INSC: variants seen among roughly 807,000 people sequenced by gnomAD.
INSC encodes the protein INSC spindle orientation adaptor protein.
INSC carries 67 observed loss-of-function variants against 58.6 expected under a neutral mutation model. The ratio of observed to expected loss-of-function variants is 1.14; its 90% CI spans 0.94 to 1.40. The LOEUF (loss-of-function observed/expected upper bound fraction) is 1.40. Among genes scored for constraint, INSC ranks in the 40% most tolerant of loss-of-function variants. The pLI is 0.00. For missense variants in INSC, 714 were observed against 692.0 expected, an observed-to-expected ratio of 1.03 and a Z score of -0.36; for synonymous variants, 262 against 276.1, an observed-to-expected ratio of 0.95 and a Z score of 0.51.
At chr11:15,236,445 G>T (rs1031486619) in intron 10 of INSC, among the ~76,000 whole-genome samples, 3 of 152,224 alleles carry the variant, frequency 2.0e-5, no homozygotes, top group Non-Finnish European at 4.4e-5. Flanking sequence ...ACAGTAGAAA[G>T]CTGAGGAAGG....
chr11:15,170,618 G>A (rs767236157), intron 2 of INSC, among the ~76,000 whole-genome samples: 7 of 152,080 alleles, frequency 4.6e-5, no homozygotes, highest in East Asian at 1.9e-4. Flanking sequence ...TTAAAATAGC[G>A]ACTGCCAGGT....
chr11:15,192,269 G>A (rs1374159867), intron 6 of INSC, among the ~76,000 whole-genome samples: 1 of 152,176 alleles, frequency 6.6e-6, no homozygotes, highest in Non-Finnish European at 1.5e-5. Context: ...CTTGTCTGAG[G>A]AGAAAGCAGA....
At chr11:15,130,948 A>G (rs571513166) in intron 1 of INSC, among the ~76,000 whole-genome samples, 2 of 150,966 alleles carry the variant, frequency 1.3e-5, no homozygotes, top group South Asian at 2.1e-4. Flanking sequence ...AGTTTATTTT[A>G]TGTTTTCAAA....
Position 15,175,973 on chromosome 11 carries a change from C to T in INSC, c.289C>T (p.Gln97Ter). The T allele has an allele frequency of 6.2e-7, 1 of 1,613,440 alleles. No individual in the cohort carries two copies. Among genetic ancestry groups the T allele is most frequent in the Non-Finnish European group, 8.5e-7 (1 of 1,179,718 alleles). The stretch of plus-strand genomic sequence containing the variant: ...GCGCAGGATCGGGCAGAAGCTGGCC[C>T]AGGACCGCTGGGCACGGGTGCACAG... ...ELRRIGQKLA[Q>*]DRWARVHSMS... The change falls in exon 3 of 13, where the codon CAG (glutamine) becomes TAG (stop). Residue 97 changes from glutamine (Q) to a stop codon, truncating the protein, a stop_gained. Transcript: ENST00000379556. LOFTEE classifies it high-confidence loss of function.
chr11:15,167,566 T>A lies in INSC; in HGVS notation c.57-8175T>A, dbSNP rs190594858. Among the ~76,000 whole-genome samples the A allele has an allele frequency of 7.2e-4, 110 of 152,066 alleles. No individual in the cohort carries two copies. The East Asian group carries it at 0.018, about 25-fold the overall frequency. Reference sequence around the variant, plus strand: ...GCCTTGACCTCCTGGGCTCAAGTGATCCTCCTGCCTCAGCCTCTTGAGTAT... The same window carrying A: ...GCCTTGACCTCCTGGGCTCAAGTGAACCTCCTGCCTCAGCCTCTTGAGTAT... On this transcript the variant is annotated intron_variant, in intron 2 of 12. Coordinates refer to ENST00000379556, the MANE Select transcript of INSC (RefSeq NM_001042536.3).
chr11:15,194,519 G>A (rs1332927973), intron 6 of INSC, among the ~76,000 whole-genome samples: 3 of 152,190 alleles, frequency 2.0e-5, no homozygotes, highest in African/African-American at 7.2e-5. Context: ...AGCCCTTAAA[G>A]CAATCTTAAT....
chr11:15,153,175 A>G (rs1328702291), intron 2 of INSC, among the ~76,000 whole-genome samples: 1 of 152,176 alleles, frequency 6.6e-6, no homozygotes, highest in Non-Finnish European at 1.5e-5. Flanking sequence ...GTTATTATTC[A>G]GTAACTTCTC....
At chr11:15,255,471 A>C in the INSC span, among the ~76,000 whole-genome samples, 1 of 152,210 alleles carries the variant, frequency 6.6e-6, no homozygotes, top group Non-Finnish European at 1.5e-5. Context: ...TTTCAGAGTA[A>C]AGCATCAAAG....
chr11:15,211,906 G>C (rs1405836358), intron 7 of INSC, among the ~76,000 whole-genome samples: 1 of 151,262 alleles, frequency 6.6e-6, no homozygotes, highest in African/African-American at 2.4e-5. Flanking sequence ...TGCCAATAGA[G>C]CACGGGGCCC....
chr11:15,115,392 C>T (rs927216460), intron 1 of INSC, among the ~76,000 whole-genome samples: 2 of 152,148 alleles, frequency 1.3e-5, no homozygotes, highest in Non-Finnish European at 2.9e-5. Flanking sequence ...AGTGGATGTG[C>T]CAGTGTGAAC....
At chr11:15,170,071 C>A (rs1396293289) in intron 2 of INSC, among the ~76,000 whole-genome samples, 1 of 152,194 alleles carries the variant, frequency 6.6e-6, no homozygotes, top group African/African-American at 2.4e-5. Context: ...TACTTTAAAT[C>A]ATCTCTAGAT....
intron 11 of INSC, 64 bp from the exon 12 acceptor site, chr11:15,240,383 A>T (rs1403643619): frequency 1.4e-6 from 2 of 1,418,538 alleles, no homozygotes; most frequent in African/African-American, 1.4e-5. Context: ...GAGGCCCAGA[A>T]CCTCTGGGTC....
intron 1 of INSC, among the ~76,000 whole-genome samples, chr11:15,145,172 C>A (rs571625043): frequency 1.3e-5 from 2 of 152,312 alleles, no homozygotes; most frequent in South Asian, 4.1e-4. Flanking sequence ...ATATACCAAG[C>A]ACAATATCTG....
intron 2 of INSC, among the ~76,000 whole-genome samples, chr11:15,156,931 C>A: frequency 6.6e-6 from 1 of 152,168 alleles, no homozygotes; most frequent in East Asian, 1.9e-4. Context: ...CTGGATAATT[C>A]CAGCTTAGAA....
intron 1 of INSC, among the ~76,000 whole-genome samples, chr11:15,140,442 G>A (rs1554904185): frequency 6.6e-6 from 1 of 152,168 alleles, no homozygotes. Context: ...TGGTGGGCCT[G>A]TTCACTCCAG....
chr11:15,232,224 G>A (rs1851951279), intron 9 of INSC, among the ~76,000 whole-genome samples: 1 of 152,214 alleles, frequency 6.6e-6, no homozygotes, highest in African/African-American at 2.4e-5. Context: ...TCTCACATTA[G>A]CAGCGTGTCT....
chr11:15,235,860 A>T (rs1852105796), intron 10 of INSC, among the ~76,000 whole-genome samples, 192 bp downstream of exon 10: 1 of 152,068 alleles, frequency 6.6e-6, no homozygotes, highest in South Asian at 2.1e-4. Flanking sequence ...GTTCGAGACC[A>T]GCCTGAGCAA....
the INSC span, among the ~76,000 whole-genome samples, chr11:15,263,419 A>G: frequency 1.3e-5 from 2 of 152,142 alleles, no homozygotes; most frequent in Non-Finnish European, 2.9e-5. Flanking sequence ...CCATATGTGT[A>G]GATATAAAAA....
At chr11:15,158,860 G>GTTTTTTTTTTT (rs529518368) in intron 2 of INSC, among the ~76,000 whole-genome samples, 28 of 109,672 alleles carry the variant, frequency 2.6e-4, no homozygotes, top group African/African-American at 4.2e-4. Flanking sequence ...ATTGTTGGTG[G>GTTTTTTTTTTT]TTTTTTTTTT....
Sources: allele counts gnomAD v4.1 joint callset (sites outside exome capture counted in the v4.1 genomes callset), GRCh38; gene constraint gnomAD v4.1.1; transcripts MANE v1.5; gene names NCBI Gene and HGNC (gene_info 2026-07-23, HGNC 2026-07-21).